The following FGF12 variants were observed in gnomAD, a reference collection of about 807,000 sequenced individuals.
FGF12 encodes the protein fibroblast growth factor 12B.
Under a neutral mutation model 23.6 loss-of-function variants are expected in FGF12, and 14 were observed. The observed-to-expected ratio is 0.59, with a 90% CI of 0.39 to 0.93. The LOEUF is 0.93. FGF12 is among the 40% of genes least tolerant of loss of function. The pLI is 0.00. For synonymous variants in FGF12, 62 were observed against 77.3 expected (o/e 0.80, Z 1.04); for missense variants, 175 against 217.8 (o/e 0.80, Z 1.24).
At chr3:192,190,717 CG>C (rs1166435743) in intron 4 of FGF12, among the ~76,000 whole-genome samples, 1 of 151,916 alleles carries the variant, frequency 6.6e-6, no homozygotes, top group Non-Finnish European at 1.5e-5. Flanking sequence ...CCTCGTGATC[CG>C]CCCACCTCGG....
intron 4 of FGF12, among the ~76,000 whole-genome samples, chr3:192,193,184 G>A (rs1716892794): frequency 1.3e-5 from 2 of 152,140 alleles, no homozygotes; most frequent in Non-Finnish European, 2.9e-5. Flanking sequence ...CCATGATATG[G>A]TTTGACTTAC....
chr3:192,533,501 A>G (rs1725146303), intron 2 of FGF12, among the ~76,000 whole-genome samples: 1 of 152,234 alleles, frequency 6.6e-6, no homozygotes, highest in African/African-American at 2.4e-5. Flanking sequence ...GACTATAAAT[A>G]GCCTCCTGTC....
chr3:192,607,569 CAT>C (rs1192282923), intron 2 of FGF12, among the ~76,000 whole-genome samples: 1 of 152,100 alleles, frequency 6.6e-6, no homozygotes, highest in Non-Finnish European at 1.5e-5. Context: ...AAATGCCTGA[CAT>C]ATAGCACGCT....
intron 2 of FGF12, among the ~76,000 whole-genome samples, chr3:192,427,267 G>A (rs1388270286): frequency 1.3e-5 from 2 of 151,998 alleles, no homozygotes; most frequent in Non-Finnish European, 1.5e-5. Context: ...CATAATCCCA[G>A]CTACTCAGGA....
intron 4 of FGF12, among the ~76,000 whole-genome samples, chr3:192,280,373 T>G (rs912714240): frequency 4.6e-5 from 7 of 152,152 alleles, no homozygotes; most frequent in African/African-American, 1.7e-4. Context: ...AGTTACAAAA[T>G]TAGAAAATAA....
intron 2 of FGF12, among the ~76,000 whole-genome samples, chr3:192,532,809 T>C (rs1725124831): frequency 6.6e-6 from 1 of 152,180 alleles, no homozygotes; most frequent in Non-Finnish European, 1.5e-5. Flanking sequence ...TTCTTATGGT[T>C]TTTTGCTTGT....
intron 2 of FGF12, among the ~76,000 whole-genome samples, chr3:192,653,183 G>T (rs569349919): frequency 5.4e-4 from 82 of 152,284 alleles, no homozygotes; most frequent in African/African-American, 2.0e-3. Context: ...TGCAGTCTTT[G>T]GGTTTGGCTT....
intron 4 of FGF12, among the ~76,000 whole-genome samples, chr3:192,290,632 T>C (rs1243648848): frequency 6.6e-6 from 1 of 152,194 alleles, no homozygotes; most frequent in African/African-American, 2.4e-5. Flanking sequence ...CAAGTTGTGC[T>C]GCTCGTGAGT....
chr3:192,614,805 T>C lies in FGF12; in HGVS notation c.13+112376A>G, dbSNP rs570131473. 5.3e-5 allele frequency among the ~76,000 whole-genome samples: 8 copies of C among 152,098 alleles called. 1 individual carries two copies. Among genetic ancestry groups the C allele is most frequent in the South Asian group, 2.1e-4 (1 of 4,822 alleles). On this transcript the variant is annotated intron_variant, in intron 2 of 5. Transcript: ENST00000445105. ...AGGTTTTCTGTGAGTTCCTGGACTT[T>C]CCTGGTTAAGAAAAAAATCCCATCT...
chr3:192,397,490 C>T (rs879572764), intron 2 of FGF12, among the ~76,000 whole-genome samples: 11 of 152,212 alleles, frequency 7.2e-5, no homozygotes, highest in Middle Eastern at 3.4e-3. Context: ...TAGCTAGAGT[C>T]GAGTTGCAAA....
chr3:192,667,607 TAAAAAAAAAAAAA>T lies in FGF12; in HGVS notation c.13+59561_13+59573del, dbSNP rs59867848. On this transcript the variant is annotated intron_variant, in intron 2 of 5. Transcript: ENST00000445105. The stretch of plus-strand genomic sequence containing the variant: ...GCCTGGGCGACAGAGCGAGACTCCG[TAAAAAAAAAAAAA>T]AAAAAAAAAAAAAGTAGGAGATTAC... Among the ~76,000 whole-genome samples, 5 of 76,190 alleles carry T rather than the reference TAAAAAAAAAAAAA, an allele frequency of 6.6e-5. No individual in the cohort carries two copies. The South Asian group carries it at 1.7e-3, about 26-fold the overall frequency. The allele number at this position is 76,190 out of a possible 152,430, so 50.0% of individuals were successfully genotyped here. A position where few individuals can be genotyped will look rare whatever the true frequency, so the allele number is the denominator to read the frequency against.
chr3:192,276,220 T>G (rs200146473), intron 4 of FGF12, among the ~76,000 whole-genome samples: 3 of 65,104 alleles, frequency 4.6e-5, no homozygotes, highest in South Asian at 9.4e-4. Flanking sequence ...GTCCACGTGT[T>G]TAAGCACTAA....
rs576452352 is a variant in FGF12, at chr3:192,409,357, C to T, written c.14-48819G>A. Among the ~76,000 whole-genome samples, 9 of 152,266 alleles carry T rather than the reference C, an allele frequency of 5.9e-5. No individual in the cohort carries two copies. The highest frequency in any genetic ancestry group is 1.9e-4 in the East Asian group (1 of 5,132). ...CTGGAGCTCCCCGCCATGGTCCACC[C>T]GGGGCCGCCGCACCGAGCTGGTCTC... On this transcript the variant is annotated intron_variant, in intron 2 of 5. Coordinates refer to ENST00000445105, the MANE Select transcript of FGF12 (RefSeq NM_004113.6). The surrounding 1 kb of genome is among the most constrained non-coding windows in gnomAD (Gnocchi z 4.8).
intron 2 of FGF12, among the ~76,000 whole-genome samples, chr3:192,581,981 T>C (rs988541179): frequency 6.6e-6 from 1 of 151,002 alleles, no homozygotes; most frequent in Admixed American, 6.7e-5. Flanking sequence ...ACAATATTTC[T>C]GCAACACTTG....
At chr3:192,530,950 G>T (rs1359799705) in intron 2 of FGF12, among the ~76,000 whole-genome samples, 1 of 152,158 alleles carries the variant, frequency 6.6e-6, no homozygotes, top group African/African-American at 2.4e-5. Context: ...ACGTAGCTGG[G>T]ATTACAGGCA....
At chr3:192,704,564 A>G (rs1186718768) in intron 2 of FGF12, among the ~76,000 whole-genome samples, 1 of 152,192 alleles carries the variant, frequency 6.6e-6, no homozygotes. Context: ...AGTATATTTA[A>G]CATAATTCTC....
At chr3:192,535,829 AC>A (rs1209627794) in intron 2 of FGF12, among the ~76,000 whole-genome samples, 1 of 152,154 alleles carries the variant, frequency 6.6e-6, no homozygotes, top group Non-Finnish European at 1.5e-5. Flanking sequence ...ACATAAACAT[AC>A]ATATGCACGT....
intron 2 of FGF12, among the ~76,000 whole-genome samples, chr3:192,685,993 C>T (rs1401089929): frequency 6.6e-6 from 1 of 152,152 alleles, no homozygotes; most frequent in African/African-American, 2.4e-5. Flanking sequence ...CTCCTGAGCC[C>T]TGGAGGCAAA....
chr3:192,259,687 A>G (rs1343205405), intron 4 of FGF12, among the ~76,000 whole-genome samples: 1 of 152,182 alleles, frequency 6.6e-6, no homozygotes, highest in Non-Finnish European at 1.5e-5. Context: ...ATATTTCCTC[A>G]AAGAAGAAAC....
Sources: allele counts gnomAD v4.1 joint callset (sites outside exome capture counted in the v4.1 genomes callset), GRCh38; gene constraint gnomAD v4.1.1; non-coding constraint Gnocchi (gnomAD v3.1); transcripts MANE v1.5; gene names NCBI Gene and HGNC (gene_info 2026-07-23, HGNC 2026-07-21).